The following QRSL1 variants were observed in gnomAD, a reference collection of about 807,000 sequenced individuals.
QRSL1 encodes the protein glutaminyl-tRNA amidotransferase subunit QRSL1.
QRSL1 carries 54 observed loss-of-function variants against 61.6 expected under a neutral mutation model. The ratio of observed to expected loss-of-function variants is 0.88; its 90% CI spans 0.70 to 1.10. The LOEUF is 1.10. Ranked by LOEUF, QRSL1 falls within the 50% of genes least tolerant of loss-of-function variation. The pLI, the probability that QRSL1 is intolerant of heterozygous loss-of-function variation, is 0.00. For synonymous variants in QRSL1, 228 were observed against 225.7 expected (o/e 1.01, Z -0.09); for missense variants, 505 against 622.6 (o/e 0.81, Z 2.01).
At chr6:106,650,795 T>A (rs1777178432) in intron 5 of QRSL1, among the ~76,000 whole-genome samples, 1 of 152,208 alleles carries the variant, frequency 6.6e-6, no homozygotes, top group African/African-American at 2.4e-5. Context: ...TGAATGCATG[T>A]CAGAACTGGT....
intron 1 of QRSL1, among the ~76,000 whole-genome samples, chr6:106,633,884 G>A (rs893239819): frequency 1.3e-5 from 2 of 151,832 alleles, no homozygotes; most frequent in African/African-American, 2.4e-5. Flanking sequence ...CATTAAAGAC[G>A]GACAGAAGCT....
At chr6:106,639,116 GTTGTTTT>G (rs1776969848) in intron 1 of QRSL1, among the ~76,000 whole-genome samples, 1 of 54,358 alleles carries the variant, frequency 1.8e-5, no homozygotes, top group Non-Finnish European at 4.0e-5. Flanking sequence ...TGTGTGTTTT[GTTGTTTT>G]TTTTTTTTTT....
chr6:106,636,749 C>T (rs1776929161), intron 1 of QRSL1, among the ~76,000 whole-genome samples: 1 of 152,164 alleles, frequency 6.6e-6, no homozygotes, highest in Non-Finnish European at 1.5e-5. Context: ...AGGACAATGT[C>T]TAGAACTAAG....
intron 9 of QRSL1, among the ~76,000 whole-genome samples, chr6:106,661,642 AT>A (rs1777356615): frequency 7.7e-6 from 1 of 130,512 alleles, no homozygotes; most frequent in Non-Finnish European, 1.6e-5. Flanking sequence ...AGGTATATCC[AT>A]TTTTACTGTT....
In QRSL1 at chr6:106,639,124, T is replaced by TG. The variant is rs1554200735; in HGVS notation, c.25-1225_25-1224insG. On this transcript the variant is annotated intron_variant, in intron 1 of 10. Coordinates refer to ENST00000369046, the MANE Select transcript of QRSL1 (RefSeq NM_018292.5). ...GGTTATTTGTGTGTTTTGTTGTTTT[T>TG]TTTTTTTTTTTTTTTTTTTTTTGAC... 1.4e-4 allele frequency among the ~76,000 whole-genome samples: 5 copies of TG among 35,450 alleles called. 1 individual carries two copies. The highest frequency in any genetic ancestry group is 2.5e-4 in the African/African-American group (3 of 11,816). 23.3% of individuals were successfully genotyped at this position (35,450 alleles called of 152,430 possible).
intron 4 of QRSL1, among the ~76,000 whole-genome samples, chr6:106,646,814 G>A (rs1777112202): frequency 6.6e-6 from 1 of 151,796 alleles, no homozygotes; most frequent in Non-Finnish European, 1.5e-5. Flanking sequence ...GGATCACAAG[G>A]TCAGGAGATT....
chr6:106,658,416 A>G (rs889901117), intron 9 of QRSL1, among the ~76,000 whole-genome samples: 1 of 152,178 alleles, frequency 6.6e-6, no homozygotes, highest in Non-Finnish European at 1.5e-5. Flanking sequence ...TAAGCTGGGC[A>G]CAGGGTACAC....
chr6:106,642,877 T>A (rs1412509582), intron 3 of QRSL1, 117 bp from the exon 4 acceptor site: 1 of 826,912 alleles, frequency 1.2e-6, no homozygotes, highest in Non-Finnish European at 2.1e-6. Context: ...TGAGAACCAA[T>A]GGGAAGGCTC....
intron 1 of QRSL1, 79 bp from the exon 2 acceptor site, chr6:106,640,270 T>G: frequency 7.5e-7 from 1 of 1,328,980 alleles, no homozygotes; most frequent in Non-Finnish European, 1.1e-6. Context: ...AGCCACTCCA[T>G]CTCCCCCCAC....
intron 9 of QRSL1, among the ~76,000 whole-genome samples, chr6:106,657,437 G>C (rs758063507): frequency 6.6e-6 from 1 of 152,110 alleles, no homozygotes; most frequent in Non-Finnish European, 1.5e-5. Flanking sequence ...TTACTGATTA[G>C]AACCATATTG....
At chr6:106,632,937 G>A (rs1380188143) in intron 1 of QRSL1, among the ~76,000 whole-genome samples, 1 of 151,982 alleles carries the variant, frequency 6.6e-6, no homozygotes, top group Non-Finnish European at 1.5e-5. Context: ...ACCTTCCTTG[G>A]CTCCATTTGT....
chr6:106,655,972 C>T (rs1777264119), intron 9 of QRSL1, among the ~76,000 whole-genome samples: 1 of 152,064 alleles, frequency 6.6e-6, no homozygotes, highest in Non-Finnish European at 1.5e-5. Context: ...GTTTTGCAAC[C>T]TTGGATTCAA....
At chr6:106,650,352 G>A (rs1777173094) in intron 5 of QRSL1, among the ~76,000 whole-genome samples, 2 of 152,202 alleles carry the variant, frequency 1.3e-5, no homozygotes, top group Admixed American at 1.3e-4. Flanking sequence ...ACTTGACACT[G>A]TAAGAAAGGA....
At chr6:106,635,193 A>G (rs1396721999) in intron 1 of QRSL1, among the ~76,000 whole-genome samples, 1 of 152,166 alleles carries the variant, frequency 6.6e-6, no homozygotes, top group African/African-American at 2.4e-5. Flanking sequence ...GAGTGTAAAA[A>G]TAGAAGAAGA....
rs142696796 is a variant in QRSL1, at chr6:106,665,857, C to A, written c.1442C>A (p.Ala481Glu). The A allele has an allele frequency of 6.2e-7, 1 of 1,613,776 alleles. No individual in the cohort carries two copies. The highest frequency in any genetic ancestry group is 8.5e-7 in the Non-Finnish European group (1 of 1,179,852). ...LPIGLQFIGR[A>E]FCDQQLLTVA... Reference sequence around the variant, plus strand: ...ATAGGACTGCAGTTTATTGGACGTGCGTTTTGTGACCAGCAGCTTCTTACA... The same window carrying A: ...ATAGGACTGCAGTTTATTGGACGTGAGTTTTGTGACCAGCAGCTTCTTACA... The change falls in exon 11 of 11, where the codon GCG becomes GAG. Residue 481 changes from alanine (A) to glutamate (E), a missense_variant. Ala to Glu is a moderately radical substitution (Grantham distance 107). Transcript: ENST00000369046.
At chr6:106,636,477 C>T (rs544549221) in intron 1 of QRSL1, among the ~76,000 whole-genome samples, 12 of 152,252 alleles carry the variant, frequency 7.9e-5, no homozygotes, top group African/African-American at 1.9e-4. Flanking sequence ...CACGCCACCA[C>T]GCCCAGCTAA....
Position 106,655,739 on chromosome 6 carries a change from C to T in QRSL1, c.1160+7C>T. On this transcript the variant is annotated splice_region_variant and intron_variant, in intron 9 of 10. Transcript: ENST00000369046. The stretch of plus-strand genomic sequence containing the variant: ...ACTTTTTCTTATTAAAAGAGTAAGA[C>T]AACTCATTTAGGAATTTTCTTCATT... The T allele has an allele frequency of 5.2e-6, 8 of 1,528,366 alleles. No homozygotes were observed. The highest frequency in any genetic ancestry group is 7.2e-6 in the Non-Finnish European group (8 of 1,103,508). 94.7% of individuals were successfully genotyped at this position (1,528,366 alleles called of 1,614,324 possible). A position where few individuals can be genotyped will look rare whatever the true frequency, so the allele number is the denominator to read the frequency against.
At chr6:106,639,884 G>A (rs1040834464) in intron 1 of QRSL1, among the ~76,000 whole-genome samples, 2 of 151,834 alleles carry the variant, frequency 1.3e-5, no homozygotes, top group Admixed American at 6.6e-5. Context: ...TCTCTTACTC[G>A]AACTCCACAA....
At chr6:106,640,746 T>C in intron 2 of QRSL1, 77 bp from the exon 3 acceptor site, 13 of 1,273,132 alleles carry the variant, frequency 1.0e-5, no homozygotes, top group Non-Finnish European at 1.5e-5. Context: ...AACTAGTAGT[T>C]ACTGTAATAA....
Sources: gnomAD v4.1 joint callset for allele counts (sites outside exome capture counted in the v4.1 genomes callset) on GRCh38, gnomAD v4.1.1 for gene constraint, MANE v1.5 for transcripts, NCBI Gene and HGNC (gene_info 2026-07-23, HGNC 2026-07-21) for gene names.